The following CPNE4 variants were observed in gnomAD, a reference collection of about 807,000 sequenced individuals.
CPNE4 encodes copine-4.
CPNE4 carries 25 observed loss-of-function variants against 67.9 expected under a neutral mutation model. The observed-to-expected ratio is 0.37, with a 90% CI of 0.27 to 0.51. The LOEUF (loss-of-function observed/expected upper bound fraction) is 0.51. Among genes scored for constraint, CPNE4 ranks in the 20% least tolerant of loss-of-function variants. CPNE4 has a pLI of 0.93. For synonymous variants in CPNE4, 242 were observed against 244.9 expected (o/e 0.99, Z 0.11); for missense variants, 464 against 690.8 (o/e 0.67, Z 3.68).
chr3:131,593,761 G>C (rs1938676364), intron 7 of CPNE4, among the ~76,000 whole-genome samples: 7 of 152,074 alleles, frequency 4.6e-5, no homozygotes, highest in Admixed American at 4.6e-4. Context: ...TGCCAGGCTG[G>C]AGTGCAGTGG....
At chr3:131,814,870 C>T (rs2084675252) in intron 2 of CPNE4, among the ~76,000 whole-genome samples, 3 of 136,304 alleles carry the variant, frequency 2.2e-5, no homozygotes, top group Admixed American at 6.9e-5. Flanking sequence ...TCCCAAAGTG[C>T]TGGGATTACA....
intron 1 of CPNE4, among the ~76,000 whole-genome samples, chr3:131,979,894 TG>T (rs2072862349): frequency 6.6e-6 from 1 of 152,192 alleles, no homozygotes; most frequent in Non-Finnish European, 1.5e-5. Flanking sequence ...GGCTTGGTAA[TG>T]GTGAATTCTC....
At chr3:131,970,385 A>G (rs999838726) in intron 1 of CPNE4, among the ~76,000 whole-genome samples, 1 of 152,172 alleles carries the variant, frequency 6.6e-6, no homozygotes, top group Non-Finnish European at 1.5e-5. Context: ...ATGCTGACCA[A>G]TACAGTGCTT....
At chr3:131,606,946 A>G (rs1939545113) in intron 7 of CPNE4, among the ~76,000 whole-genome samples, 1 of 151,676 alleles carries the variant, frequency 6.6e-6, no homozygotes. Context: ...ATTTCTGGCC[A>G]ATCTTTCCCT....
chr3:131,822,847 T>C (rs2085008420), intron 2 of CPNE4, among the ~76,000 whole-genome samples: 1 of 152,208 alleles, frequency 6.6e-6, no homozygotes, highest in African/African-American at 2.4e-5. Context: ...TATTTATTTA[T>C]TTATTTTCTA....
intron 1 of CPNE4, among the ~76,000 whole-genome samples, chr3:131,946,892 G>A (rs751960394): frequency 6.6e-6 from 1 of 152,128 alleles, no homozygotes; most frequent in Non-Finnish European, 1.5e-5. Context: ...GTGTTAAGGT[G>A]AGGGTCCAGC....
intron 6 of CPNE4, among the ~76,000 whole-genome samples, chr3:131,680,779 TATAC>T (rs1560104554): frequency 6.6e-6 from 1 of 152,144 alleles, no homozygotes; most frequent in Non-Finnish European, 1.5e-5. Flanking sequence ...ACCTGAGCAG[TATAC>T]ACTGCACTCA....
At chr3:131,891,476 A>G (rs2088111636) in intron 2 of CPNE4, among the ~76,000 whole-genome samples, 1 of 151,992 alleles carries the variant, frequency 6.6e-6, no homozygotes, top group South Asian at 2.1e-4. Flanking sequence ...TTACACAGGT[A>G]AACTTGTGTC....
At chr3:131,917,560 G>GCTCTCTCT (rs113280712) in intron 1 of CPNE4, among the ~76,000 whole-genome samples, 1 of 148,484 alleles carries the variant, frequency 6.7e-6, no homozygotes, top group Non-Finnish European at 1.5e-5. Context: ...ATATGTTCTT[G>GCTCTCTCT]CTCTCTCTCT....
chr3:132,030,516 C>A (rs899785278), intron 1 of CPNE4, among the ~76,000 whole-genome samples: 1 of 152,156 alleles, frequency 6.6e-6, no homozygotes, highest in Non-Finnish European at 1.5e-5. Context: ...GCTCCCCTTC[C>A]AGCCCTATGA....
chr3:131,572,653 GTCACC>G (rs1559919638), intron 10 of CPNE4, among the ~76,000 whole-genome samples: 1 of 151,980 alleles, frequency 6.6e-6, no homozygotes, highest in East Asian at 1.9e-4. Flanking sequence ...AGAACTTTAT[GTCACC>G]TCTGGTGCTT....
At chr3:131,909,451 C>A (rs1479325530) in intron 1 of CPNE4, among the ~76,000 whole-genome samples, 1 of 152,122 alleles carries the variant, frequency 6.6e-6, no homozygotes, top group Non-Finnish European at 1.5e-5. Context: ...ATTGTCTCAT[C>A]CTCCCTCATT....
Position 131,796,003 on chromosome 3 carries a change from C to T in CPNE4, c.181-72378G>A, listed in dbSNP as rs142592101. 7.9e-5 allele frequency among the ~76,000 whole-genome samples: 12 copies of T among 152,278 alleles called. No individual in the cohort carries two copies. In the East Asian group the frequency reaches 2.3e-3, roughly 29 times the overall value. ...AAGCTCTTGTTTCCACATTTATGAA[C>T]CTCATCATTCTTCAGTTGACATCTC... On this transcript the variant is annotated intron_variant, in intron 2 of 15. Coordinates refer to ENST00000429747, the MANE Select transcript of CPNE4 (RefSeq NM_130808.3).
Position 131,555,496 on chromosome 3 carries a change from C to A in CPNE4, c.1116+1G>T. The A allele has an allele frequency of 6.2e-7, 1 of 1,612,154 alleles. No homozygotes were observed. Among genetic ancestry groups the A allele is most frequent in the Non-Finnish European group, 8.5e-7 (1 of 1,178,860 alleles). Reference sequence around the variant, plus strand: ...AGAAGATCACATCTCCACTCACTCACCGTGTACTCTGGAGGTATCCTGGCG... The same window carrying A: ...AGAAGATCACATCTCCACTCACTCAACGTGTACTCTGGAGGTATCCTGGCG... On this transcript the variant is annotated splice_donor_variant, in intron 12 of 15. Transcript: ENST00000429747. LOFTEE classifies it high-confidence loss of function.
rs535353090 is a variant in CPNE4 at position 131,803,809 on chromosome 3, AC to A, written c.181-80185del. Among the ~76,000 whole-genome samples, 437 of 152,266 alleles carry A rather than the reference AC, an allele frequency of 2.9e-3. 2 individuals carry two copies. Among genetic ancestry groups the A allele is most frequent in the African/African-American group, 9.9e-3 (412 of 41,558 alleles). On this transcript the variant is annotated intron_variant, in intron 2 of 15. Coordinates refer to ENST00000429747, the MANE Select transcript of CPNE4 (RefSeq NM_130808.3). The stretch of plus-strand genomic sequence containing the variant: ...GGGGAAATGGTTAAGTAAATTACGT[AC>A]CTCTAATTGCTGGAACATTAAGCAG...
intron 1 of CPNE4, among the ~76,000 whole-genome samples, chr3:131,930,449 A>AAAAAAAC (rs112188201): frequency 2.0e-5 from 3 of 151,368 alleles, no homozygotes; most frequent in South Asian, 2.1e-4. Context: ...TCCAATTTAA[A>AAAAAAAC]AAAAACAAAA....
chr3:131,791,436 G>A (rs76016484), intron 2 of CPNE4, among the ~76,000 whole-genome samples: 1,691 of 152,262 alleles, frequency 0.011, 29 homozygotes, highest in African/African-American at 0.039. Context: ...CTGACTTTCA[G>A]AAAGATTTGA....
intron 2 of CPNE4, among the ~76,000 whole-genome samples, chr3:131,781,421 C>G (rs1339918303): frequency 6.6e-6 from 1 of 152,050 alleles, no homozygotes; most frequent in Non-Finnish European, 1.5e-5. Context: ...TTATTCCAGT[C>G]ATTTGAATAT....
At chr3:132,016,134 T>C (rs2107683025) in intron 1 of CPNE4, among the ~76,000 whole-genome samples, 1 of 152,262 alleles carries the variant, frequency 6.6e-6, no homozygotes, top group African/African-American at 2.4e-5. Context: ...AGCTGTGCAA[T>C]ACAAATAAAG....
Sources: gnomAD v4.1 joint callset for allele counts (sites outside exome capture counted in the v4.1 genomes callset) on GRCh38, gnomAD v4.1.1 for gene constraint, MANE v1.5 for transcripts, NCBI Gene and HGNC (gene_info 2026-07-23, HGNC 2026-07-21) for gene names.